C2orf76: variants seen among roughly 807,000 people sequenced by gnomAD.
C2orf76 encodes UPF0538 protein C2orf76.
Under a neutral mutation model 16.9 loss-of-function variants are expected in C2orf76, and 23 were observed. The observed-to-expected ratio is 1.36, with a 90% CI of 0.98 to 1.93. The LOEUF is 1.93. Ranked by LOEUF, C2orf76 falls within the 30% of genes most tolerant of loss-of-function variation. The probability of loss-of-function intolerance (pLI) is 0.00; values close to 1 mark genes in which losing one functional copy is unlikely to be tolerated. For missense variants in C2orf76, 152 were observed against 152.6 expected (o/e 1.00, Z 0.02); for synonymous variants, 48 against 52.3 (o/e 0.92, Z 0.35).
intron 1 of C2orf76, among the ~76,000 whole-genome samples, chr2:119,364,284 A>T (rs1283321322): frequency 2.0e-5 from 3 of 152,196 alleles, no homozygotes; most frequent in Non-Finnish European, 4.4e-5. Context: ...AAACTACAAC[A>T]ATGACAATGG....
At chr2:119,285,199 T>C in the C2orf76 span, among the ~76,000 whole-genome samples, 1 of 152,252 alleles carries the variant, frequency 6.6e-6, no homozygotes, top group African/African-American at 2.4e-5. Flanking sequence ...TTATCTACTG[T>C]GCATAAAACC....
chr2:119,282,450 T>A, the C2orf76 span, among the ~76,000 whole-genome samples: 3 of 152,234 alleles, frequency 2.0e-5, no homozygotes, highest in Non-Finnish European at 4.4e-5. Flanking sequence ...AACAGCCAGC[T>A]TGCTCCTGTT....
chr2:119,332,064 T>A (rs1246537091), intron 2 of C2orf76, among the ~76,000 whole-genome samples: 1 of 152,122 alleles, frequency 6.6e-6, no homozygotes, highest in African/African-American at 2.4e-5. Flanking sequence ...AATATACTAC[T>A]GAAAATTACA....
At chr2:119,296,249 G>A in the C2orf76 span, among the ~76,000 whole-genome samples, 1 of 152,106 alleles carries the variant, frequency 6.6e-6, no homozygotes, top group East Asian at 1.9e-4. Flanking sequence ...TCTTGATGGT[G>A]GAGTTCAAAA....
chr2:119,282,036 C>T, the C2orf76 span, among the ~76,000 whole-genome samples: 29 of 152,108 alleles, frequency 1.9e-4, no homozygotes, highest in African/African-American at 7.0e-4. Context: ...ATCCCAGCTA[C>T]TCGGGAGGCT....
intron 3 of C2orf76, among the ~76,000 whole-genome samples, chr2:119,319,890 C>G (rs1411969953): frequency 1.3e-5 from 2 of 152,136 alleles, no homozygotes; most frequent in African/African-American, 4.8e-5. Context: ...AACACTGCAG[C>G]CTTTCTTGTT....
downstream of C2orf76, among the ~76,000 whole-genome samples, chr2:119,300,036 G>A (rs1678593199): frequency 6.6e-6 from 1 of 152,136 alleles, no homozygotes; most frequent in Non-Finnish European, 1.5e-5. Context: ...CCACTGGGAG[G>A]CTGCAGGATG....
chr2:119,282,358 G>C, the C2orf76 span, among the ~76,000 whole-genome samples: 25 of 152,300 alleles, frequency 1.6e-4, no homozygotes, highest in African/African-American at 6.0e-4. Context: ...GCCAGGGTGG[G>C]ACTGTCACTC....
At chr2:119,296,176 G>T in the C2orf76 span, among the ~76,000 whole-genome samples, 69 of 152,310 alleles carry the variant, frequency 4.5e-4, no homozygotes, top group African/African-American at 1.5e-3. Context: ...GCCATGAGAT[G>T]CATACTGTGG....
chr2:119,340,956 A>G (rs887668473), intron 1 of C2orf76, among the ~76,000 whole-genome samples: 7 of 152,022 alleles, frequency 4.6e-5, no homozygotes, highest in African/African-American at 1.7e-4. Context: ...GTCAAATCTT[A>G]ACATTCTGAT....
At chr2:119,312,604 T>TA (rs1346651419) in intron 4 of C2orf76, among the ~76,000 whole-genome samples, 2 of 152,240 alleles carry the variant, frequency 1.3e-5, no homozygotes, top group African/African-American at 4.8e-5. Context: ...TTGCCCAAGC[T>TA]AAAAAACATC....
At chr2:119,281,811 G>T in the C2orf76 span, among the ~76,000 whole-genome samples, 1 of 152,172 alleles carries the variant, frequency 6.6e-6, no homozygotes, top group Non-Finnish European at 1.5e-5. Flanking sequence ...AGCAAGTGAA[G>T]TCTTAAGGAC....
chr2:119,320,115 T>G (rs1319721161), intron 3 of C2orf76, among the ~76,000 whole-genome samples: 1 of 152,206 alleles, frequency 6.6e-6, no homozygotes, highest in Non-Finnish European at 1.5e-5. Context: ...GCTTAGCAAC[T>G]TGGATATTCT....
chr2:119,303,873 T>A (rs1158088125), intron 5 of C2orf76, among the ~76,000 whole-genome samples: 1 of 152,172 alleles, frequency 6.6e-6, no homozygotes, highest in Non-Finnish European at 1.5e-5. Flanking sequence ...CAACCTCGCA[T>A]GACAAGGAGC....
At chr2:119,347,791 A>G (rs1680251711) in intron 1 of C2orf76, among the ~76,000 whole-genome samples, 1 of 152,140 alleles carries the variant, frequency 6.6e-6, no homozygotes, top group Non-Finnish European at 1.5e-5. Flanking sequence ...ATTCACATGT[A>G]GATTTGGGAA....
At chr2:119,311,165 C>T (rs569960513) in intron 5 of C2orf76, 2 of 985,322 alleles carry the variant, frequency 2.0e-6, no homozygotes, top group Non-Finnish European at 2.4e-6. Context: ...ACACCAGGTT[C>T]CTATTTTAAA....
chr2:119,285,753 G>C, the C2orf76 span, among the ~76,000 whole-genome samples: 1 of 152,210 alleles, frequency 6.6e-6, no homozygotes, highest in Non-Finnish European at 1.5e-5. Flanking sequence ...GTTCCAGAAA[G>C]CCTGGTAACT....
At chr2:119,343,092 G>T (rs2104611631) in intron 1 of C2orf76, among the ~76,000 whole-genome samples, 1 of 152,226 alleles carries the variant, frequency 6.6e-6, no homozygotes, top group Admixed American at 6.5e-5. Context: ...ACACAAGCAA[G>T]TCACATTAAT....
chr2:119,343,399 C>T (rs897721904), intron 1 of C2orf76, among the ~76,000 whole-genome samples: 1 of 151,856 alleles, frequency 6.6e-6, no homozygotes, highest in African/African-American at 2.4e-5. Context: ...AAAGCTATGA[C>T]CACGTCTCCC....
Sources: allele counts gnomAD v4.1 joint callset (sites outside exome capture counted in the v4.1 genomes callset), GRCh38; gene constraint gnomAD v4.1.1; transcripts MANE v1.5; gene names NCBI Gene and HGNC (gene_info 2026-07-23, HGNC 2026-07-21).